The following BROX variants were observed in gnomAD, a reference collection of about 807,000 sequenced individuals.
BROX encodes BRO1 domain-containing protein BROX.
In BROX, 53 loss-of-function variants were observed where a neutral mutation model predicts 61.0. The ratio of observed to expected loss-of-function variants is 0.87; its 90% CI spans 0.70 to 1.09. The LOEUF is 1.09. Among genes scored for constraint, BROX ranks in the 50% least tolerant of loss-of-function variants. The probability of loss-of-function intolerance (pLI) is 0.00; values close to 1 mark genes in which losing one functional copy is unlikely to be tolerated. For missense variants in BROX, 489 were observed against 472.0 expected (o/e 1.04, Z -0.33); for synonymous variants, 152 against 160.2 (o/e 0.95, Z 0.38).
chr1:222,715,676 G>A lies in BROX; in HGVS notation c.-16-8G>A, dbSNP rs778801048. 7.4e-7 allele frequency: 1 copy of A among 1,344,570 alleles called. No individual in the cohort carries two copies. Among genetic ancestry groups the A allele is most frequent in the South Asian group, 2.0e-5 (1 of 51,158 alleles). The allele number at this position is 1,344,570 out of a possible 1,614,324, so 83.3% of individuals were successfully genotyped here. On this transcript the variant is annotated splice_region_variant and splice_polypyrimidine_tract_variant and intron_variant, in intron 1 of 12. Coordinates refer to ENST00000340934, the MANE Select transcript of BROX (RefSeq NM_144695.4). The stretch of plus-strand genomic sequence containing the variant: ...ATTTTTGTATATTTTTTACTTTTTT[G>A]TCTATAGAAAACATCTGGAGAAAAT...
intron 6 of BROX, among the ~76,000 whole-genome samples, chr1:222,725,130 T>C (rs1333153337): frequency 6.6e-6 from 1 of 152,158 alleles, no homozygotes. Context: ...ATGAACAGGC[T>C]ATCCCGCAAA....
chr1:222,720,846 T>C (rs767323915), intron 4 of BROX, among the ~76,000 whole-genome samples: 9 of 152,100 alleles, frequency 5.9e-5, no homozygotes, highest in Non-Finnish European at 7.4e-5. Context: ...TGAGCTACTA[T>C]TTAACCTTTT....
At chr1:222,731,807 C>T (rs918951714) in intron 12 of BROX, among the ~76,000 whole-genome samples, 1 of 152,188 alleles carries the variant, frequency 6.6e-6, no homozygotes, top group Non-Finnish European at 1.5e-5. Flanking sequence ...AAAAGATCAT[C>T]CATGTTTATA....
chr1:222,716,893 A>G (rs1400694603), intron 2 of BROX, among the ~76,000 whole-genome samples: 1 of 152,254 alleles, frequency 6.6e-6, no homozygotes, highest in East Asian at 1.9e-4. Context: ...AGATGTTTTG[A>G]AGGAGGAGTC....
intron 5 of BROX, among the ~76,000 whole-genome samples, chr1:222,722,840 A>G (rs1440215115): frequency 6.6e-6 from 1 of 152,232 alleles, no homozygotes; most frequent in Non-Finnish European, 1.5e-5. Flanking sequence ...ATTGCAATTC[A>G]TATGATAAAT....
chr1:222,731,438 AT>A lies in BROX; in HGVS notation c.1074del (p.Pro359LeufsTer34), dbSNP rs748388615. 2 of 1,603,370 alleles carry A rather than the reference AT, an allele frequency of 1.2e-6. No homozygotes were observed. Among genetic ancestry groups the A allele is most frequent in the Non-Finnish European group, 1.7e-6 (2 of 1,177,308 alleles). The stretch of plus-strand genomic sequence containing the variant: ...GTCTCGTAGAGCCTATACCTTTCGA[AT>A]TTCCTCCTACAAGTGTTCAGTGGAC... ...YGLVEPIPFEFPPTSVQWTPE... is the reference protein window; with the variant it reads ...YGLVEPIPFEXPPTSVQWTPE... On this transcript the variant is annotated frameshift_variant, in exon 12 of 13. Coordinates refer to ENST00000340934, the MANE Select transcript of BROX (RefSeq NM_144695.4). LOFTEE classifies it high-confidence loss of function.
intron 12 of BROX, 33 bp from the exon 13 acceptor site, chr1:222,732,595 T>C: frequency 1.4e-6 from 2 of 1,463,694 alleles, no homozygotes; most frequent in Non-Finnish European, 1.9e-6. Context: ...AATCTTAGTT[T>C]ATGTACTTAA....
At position 222,724,131 on chromosome 1, in the gene BROX, A is replaced by G. The variant is rs961246011; in HGVS notation, c.441A>G (p.Leu147=). 2 of 1,612,214 alleles carry G rather than the reference A, an allele frequency of 1.2e-6. No individual in the cohort carries two copies. Among genetic ancestry groups the G allele is most frequent in the Middle Eastern group, 1.7e-4 (1 of 6,060 alleles). ...EDEAKEVHRS[L]KIAAGIFKHL... Reference sequence around the variant, plus strand: ...AAGCAAAAGAAGTTCATCGAAGCCTAAAGATTGCAGCTGGGATTTTTAAAC... The same window carrying G: ...AAGCAAAAGAAGTTCATCGAAGCCTGAAGATTGCAGCTGGGATTTTTAAAC... The change falls in exon 6 of 13, where the codon CTA becomes CTG. Residue 147 remains leucine (L), a synonymous_variant. Transcript: ENST00000340934.
Position 222,712,615 on chromosome 1 carries a change from G to T in BROX, c.-344G>T. 15 of 1,339,974 alleles carry T rather than the reference G, an allele frequency of 1.1e-5. No homozygotes were observed. The highest frequency in any genetic ancestry group is 1.5e-5 in the Non-Finnish European group (15 of 1,025,370). 83.0% of individuals were successfully genotyped at this position (1,339,974 alleles called of 1,614,324 possible). On this transcript the variant is annotated 5_prime_UTR_variant, in exon 1 of 13. It adds an upstream start codon to the 5' untranslated region. Transcript: ENST00000340934. ...TGCGGCATTCTCCCTCGGCTCCGGA[G>T]GTAGGGGCAACTCTTCTCTTCCTGT...
rs941762825 is a variant in BROX, at chr1:222,712,813, C to T, written c.-146C>T. On this transcript the variant is annotated 5_prime_UTR_variant, in exon 1 of 13. Transcript: ENST00000340934. ...CGGGTCACGTGACTCCGGCTTGGCG[C>T]CGTCCTGGTTTTCCGTCACCCTGGT... is the stretch of plus-strand genomic sequence containing the variant. 7.8e-7 allele frequency: 1 copy of T among 1,288,722 alleles called. No individual in the cohort carries two copies. Among genetic ancestry groups the T allele is most frequent in the Non-Finnish European group, 1.0e-6 (1 of 988,496 alleles). 79.8% of individuals were successfully genotyped at this position (1,288,722 alleles called of 1,614,324 possible).
In BROX at chr1:222,712,654, C is replaced by T. The variant is rs1332361545; in HGVS notation, c.-305C>T. On this transcript the variant is annotated 5_prime_UTR_variant, in exon 1 of 13. Coordinates refer to ENST00000340934, the MANE Select transcript of BROX (RefSeq NM_144695.4). ...TTCTCTTCCTGTCTGGGAAAAAGAC[C>T]ATAGCTCAAAAGGAAGGCCGAGGGA... The T allele has an allele frequency of 1.5e-6, 2 of 1,314,214 alleles. No individual in the cohort carries two copies. The highest frequency in any genetic ancestry group is 2.0e-6 in the Non-Finnish European group (2 of 1,003,590). The allele number at this position is 1,314,214 out of a possible 1,614,324, so 81.4% of individuals were successfully genotyped here. A position where few individuals can be genotyped will look rare whatever the true frequency, so the allele number is the denominator to read the frequency against.
Position 222,735,166 on chromosome 1 carries a change from A to G in BROX, c.*2452A>G, listed in dbSNP as rs1423861403. 4 of 152,262 alleles carry G rather than the reference A, an allele frequency of 2.6e-5. No homozygotes were observed. Among genetic ancestry groups the G allele is most frequent in the African/African-American group, 9.6e-5 (4 of 41,476 alleles). The allele number at this position is 152,262 out of a possible 1,614,324, so 9.4% of individuals were successfully genotyped here. A position where few individuals can be genotyped will look rare whatever the true frequency, so the allele number is the denominator to read the frequency against. On this transcript the variant is annotated 3_prime_UTR_variant, in exon 13 of 13. Transcript: ENST00000340934. ...ATGGGTTGTCTTTTTATTTATGAAAATAAAAGTAATTTTACTTACAATTTC... is the reference window on the plus strand; with the variant it reads ...ATGGGTTGTCTTTTTATTTATGAAAGTAAAAGTAATTTTACTTACAATTTC...
In BROX at chr1:222,715,774, T is replaced by C; in HGVS notation, c.75T>C (p.Thr25=). The C allele has an allele frequency of 6.3e-7, 1 of 1,592,488 alleles. No individual in the cohort carries two copies. Among genetic ancestry groups the C allele is most frequent in the African/African-American group, 1.3e-5 (1 of 74,258 alleles). The change falls in exon 2 of 13, where the codon ACT becomes ACC. Residue 25 remains threonine (T), a synonymous_variant. Transcript: ENST00000340934. The part of the protein sequence containing the change: ...PVSFNYYGVV[T]GPSASKICND... The stretch of plus-strand genomic sequence containing the variant: ...CTTTTAATTACTATGGTGTAGTCAC[T>C]GGCCCTTCTGCTTCAAAAATATGCA...
intron 7 of BROX, among the ~76,000 whole-genome samples, chr1:222,726,249 T>TTTCTTTA (rs2125028662): frequency 6.6e-6 from 1 of 152,320 alleles, no homozygotes; most frequent in African/African-American, 2.4e-5. Flanking sequence ...GGCTTTCGTT[T>TTTCTTTA]TTCTTTATTT....
At chr1:222,724,913 C>T (rs1433197609) in intron 6 of BROX, among the ~76,000 whole-genome samples, 1 of 152,072 alleles carries the variant, frequency 6.6e-6, no homozygotes, top group African/African-American at 2.4e-5. Flanking sequence ...CCTGCCTCAG[C>T]CTCCCGAGTA....
intron 5 of BROX, among the ~76,000 whole-genome samples, chr1:222,723,260 A>G (rs899523756): frequency 5.3e-5 from 8 of 152,218 alleles, no homozygotes; most frequent in Admixed American, 1.3e-4. Context: ...TGTCTTGTTT[A>G]TATACAAATG....
intron 8 of BROX, 55 bp from the exon 9 acceptor site, chr1:222,728,688 G>A: frequency 8.5e-7 from 1 of 1,169,794 alleles, no homozygotes; most frequent in Non-Finnish European, 1.3e-6. Flanking sequence ...TGAACTAAAA[G>A]TCTTCTAGTG....
At chr1:222,714,131 T>C (rs943457689) in intron 1 of BROX, 1 of 152,188 alleles carries the variant, frequency 6.6e-6, no homozygotes, top group Non-Finnish European at 1.5e-5. Flanking sequence ...CTAATTGCCA[T>C]GTTTAGGTCT....
rs1658141663 is a variant in BROX at position 222,734,159 on chromosome 1, A to G, written c.*1445A>G. ...ACAGAAGTCACACATCTGTAGGTTT[A>G]TCTTTTGATTATTCTCCTGAGGCAT... is the stretch of plus-strand genomic sequence containing the variant. On this transcript the variant is annotated 3_prime_UTR_variant, in exon 13 of 13. Coordinates refer to ENST00000340934, the MANE Select transcript of BROX (RefSeq NM_144695.4). 6.6e-6 allele frequency: 1 copy of G among 152,200 alleles called. No homozygotes were observed. The highest frequency in any genetic ancestry group is 2.4e-5 in the African/African-American group (1 of 41,464). The allele number at this position is 152,200 out of a possible 1,614,324, so 9.4% of individuals were successfully genotyped here. A position where few individuals can be genotyped will look rare whatever the true frequency, so the allele number is the denominator to read the frequency against.
Sources: allele counts gnomAD v4.1 joint callset (sites outside exome capture counted in the v4.1 genomes callset), GRCh38; gene constraint gnomAD v4.1.1; transcripts MANE v1.5; gene names NCBI Gene and HGNC (gene_info 2026-07-23, HGNC 2026-07-21).